The following FAM83C variants were observed in gnomAD, a reference collection of about 807,000 sequenced individuals.
FAM83C encodes protein FAM83C.
Under a neutral mutation model 27.1 loss-of-function variants are expected in FAM83C, and 23 were observed. The ratio of observed to expected loss-of-function variants is 0.85; its 90% CI spans 0.61 to 1.20. The LOEUF (loss-of-function observed/expected upper bound fraction) is 1.20, where lower values mean the gene tolerates loss of function less well. Ranked by LOEUF, FAM83C falls within the 50% of genes most tolerant of loss-of-function variation. The pLI is 0.00. For synonymous variants in FAM83C, 426 were observed against 423.1 expected (o/e 1.01, Z -0.09); for missense variants, 984 against 1,001.3 (o/e 0.98, Z 0.23).
At chr20:35,288,266 TTAAAG>T (rs1357936827) in intron 3 of FAM83C, among the ~76,000 whole-genome samples, 190 bp downstream of exon 3, 3 of 152,174 alleles carry the variant, frequency 2.0e-5, no homozygotes, top group Admixed American at 6.5e-5. Flanking sequence ...ACCAAGGGTA[TTAAAG>T]TAATCATTCC....
At chr20:35,291,502 C>T (rs1254507725) in intron 1 of FAM83C, among the ~76,000 whole-genome samples, 1 of 152,224 alleles carries the variant, frequency 6.6e-6, no homozygotes, top group Non-Finnish European at 1.5e-5. Flanking sequence ...AAAGATGCAG[C>T]GAGGACTCCT....
intron 1 of FAM83C, among the ~76,000 whole-genome samples, chr20:35,289,812 G>T (rs894647878): frequency 2.6e-5 from 4 of 152,102 alleles, no homozygotes; most frequent in African/African-American, 9.7e-5. Context: ...GCATTTGTGT[G>T]CATCCTTCTG....
At chr20:35,288,999 G>T in intron 1 of FAM83C, 41 bp from the exon 2 acceptor site, 1 of 1,591,090 alleles carries the variant, frequency 6.3e-7, no homozygotes, top group Non-Finnish European at 8.6e-7. Context: ...CGCTGCCCAG[G>T]GCACTCCCCA....
At chr20:35,289,657 A>G (rs909314141) in intron 1 of FAM83C, among the ~76,000 whole-genome samples, 1 of 151,016 alleles carries the variant, frequency 6.6e-6, no homozygotes, top group African/African-American at 2.4e-5. Flanking sequence ...TTTTAATTCT[A>G]ATTTTTTGTA....
In FAM83C at chr20:35,288,689, C is replaced by A. The variant is rs188114146; in HGVS notation, c.681+102G>T. 27 of 1,553,742 alleles carry A rather than the reference C, an allele frequency of 1.7e-5. No homozygotes were observed. In the Admixed American group the frequency reaches 3.6e-4, roughly 21 times the overall value. ...CAGACAGCTAAGGGAACCCACCCCC[C>A]ACTCCCAGTGCCCCCCAGTGCTGAC... On this transcript the variant is annotated intron_variant, in intron 2 of 3. Transcript: ENST00000374408.
chr20:35,290,959 G>A (rs963019796), intron 1 of FAM83C, among the ~76,000 whole-genome samples: 2 of 152,160 alleles, frequency 1.3e-5, no homozygotes, highest in Admixed American at 6.5e-5. Flanking sequence ...GGATCATCTC[G>A]TCCATTCCCC....
At position 35,292,313 on chromosome 20, in the gene FAM83C, C is replaced by T. The variant is rs537875584; in HGVS notation, c.-9G>A. ...CCCGGGCCTCCGAACATGCCTGCCA[C>T]GCGGCTGCCTCACCCGCCGGCAGGG... On this transcript the variant is annotated 5_prime_UTR_variant, in exon 1 of 4. The change creates a new upstream start codon in the 5' untranslated region. Transcript: ENST00000374408. 2.5e-5 allele frequency: 37 copies of T among 1,478,138 alleles called. No individual in the cohort carries two copies. Among genetic ancestry groups the T allele is most frequent in the South Asian group, 2.3e-4 (17 of 75,112 alleles). The allele number at this position is 1,478,138 out of a possible 1,614,324, so 91.6% of individuals were successfully genotyped here. A position where few individuals can be genotyped will look rare whatever the true frequency, so the allele number is the denominator to read the frequency against.
In FAM83C at chr20:35,287,514, C is replaced by A. The variant is rs1321400193; in HGVS notation, c.1265G>T (p.Trp422Leu). 3 of 1,614,160 alleles carry A rather than the reference C, an allele frequency of 1.9e-6. No individual in the cohort carries two copies. The highest frequency in any genetic ancestry group is 1.1e-5 in the South Asian group (1 of 91,086). Residue 422 changes from tryptophan to leucine, a missense_variant, in exon 4 of 4, where the codon TGG becomes TTG. Trp to Leu is a moderately conservative substitution (Grantham distance 61). Transcript: ENST00000374408. ...ANLGKLGAYP[W>L]SQSSPALNHN... ...GTTGAGGGCAGGGGAGGACTGGGAC[C>A]ATGGGTATGCCCCTAGCTTGCCGAG...
At position 35,287,168 on chromosome 20, in the gene FAM83C, G is replaced by A. The variant is rs375354507; in HGVS notation, c.1611C>T (p.Gly537=). 6.8e-6 allele frequency: 11 copies of A among 1,606,732 alleles called. No homozygotes were observed. The highest frequency in any genetic ancestry group is 4.5e-5 in the East Asian group (2 of 44,876). ...ACCTCCTGTCCTCTGGGGCCTGCTC[G>A]CCAGGCCGAAGGGGGCCTGAGTTGG... ...VTPNSGPLRP[G]EQAPEDRRLS... The change falls in exon 4 of 4, where the codon GGC becomes GGT. Residue 537 remains glycine (G), a synonymous_variant. Coordinates refer to ENST00000374408, the MANE Select transcript of FAM83C (RefSeq NM_178468.6).
intron 1 of FAM83C, among the ~76,000 whole-genome samples, chr20:35,290,658 C>T (rs2060844391): frequency 6.6e-6 from 1 of 152,152 alleles, no homozygotes; most frequent in African/African-American, 2.4e-5. Context: ...ATAGAGGGGT[C>T]TAAATGGGGG....
rs138765880 is a variant in FAM83C at position 35,288,534 on chromosome 20, G to A, written c.733C>T (p.Arg245Cys). ...CGDTYCSKAG[R>C]RFTGQALEKF... ...TCCAGGGCCTGCCCCGTGAAGCGGC[G>A]GCCAGCCTTGCTGCAGTATGTGTCC... The change falls in exon 3 of 4, where the codon CGC becomes TGC. Residue 245 changes from arginine to cysteine, a missense_variant. Transcript: ENST00000374408. 49 of 1,614,066 alleles carry A rather than the reference G, an allele frequency of 3.0e-5. No individual in the cohort carries two copies. Among genetic ancestry groups the A allele is most frequent in the African/African-American group, 6.7e-5 (5 of 74,932 alleles).
chr20:35,287,060 G>A lies in FAM83C; in HGVS notation c.1719C>T (p.Leu573=), dbSNP rs1293718305. Residue 573 remains leucine, a synonymous_variant, in exon 4 of 4, where the codon CTC becomes CTT. Transcript: ENST00000374408. ...CCTCCAGGGCCCGATCACCAGGTCTGAGGGAACCCAACTCAGGGGCACCCC... is the reference window on the plus strand; with the variant it reads ...CCTCCAGGGCCCGATCACCAGGTCTAAGGGAACCCAACTCAGGGGCACCCC... The part of the protein sequence containing the change: ...GTGGAPELGS[L]RPGDRALEDR... 1.2e-6 allele frequency: 2 copies of A among 1,604,930 alleles called. No individual in the cohort carries two copies. Among genetic ancestry groups the A allele is most frequent in the Non-Finnish European group, 1.7e-6 (2 of 1,179,976 alleles).
chr20:35,292,104 C>T lies in FAM83C; in HGVS notation c.201G>A (p.Glu67=). ...GGGCGCTCAGGAAGGGCAGCTCCCG[C>T]TCCTCGGAGATGACCCGCAGGTAGG... ...EAAYLRVISE[E]RELPFLSALD... is the part of the protein sequence containing the mutation. Residue 67 remains glutamate, a synonymous_variant, in exon 1 of 4, where the codon GAG becomes GAA. Coordinates refer to ENST00000374408, the MANE Select transcript of FAM83C (RefSeq NM_178468.6). The T allele has an allele frequency of 6.2e-7, 1 of 1,605,844 alleles. No individual in the cohort carries two copies. Among genetic ancestry groups the T allele is most frequent in the Non-Finnish European group, 8.5e-7 (1 of 1,179,874 alleles).
At position 35,292,360 on chromosome 20, in the gene FAM83C, T is replaced by G; in HGVS notation, c.-56A>C. 7.0e-7 allele frequency: 1 copy of G among 1,436,544 alleles called. No homozygotes were observed. Among genetic ancestry groups the G allele is most frequent in the Non-Finnish European group, 9.1e-7 (1 of 1,102,078 alleles). 89.0% of individuals were successfully genotyped at this position (1,436,544 alleles called of 1,614,324 possible). ...AGGGCCCATGGCCCGCACGCTGGGCTGGCTGCAGCAGGAAGAGGAGACCAG... is the reference window on the plus strand; with the variant it reads ...AGGGCCCATGGCCCGCACGCTGGGCGGGCTGCAGCAGGAAGAGGAGACCAG... On this transcript the variant is annotated 5_prime_UTR_variant, in exon 1 of 4. Coordinates refer to ENST00000374408, the MANE Select transcript of FAM83C (RefSeq NM_178468.6).
chr20:35,290,678 C>T (rs771348615), intron 1 of FAM83C, among the ~76,000 whole-genome samples: 15 of 152,142 alleles, frequency 9.9e-5, no homozygotes, highest in Non-Finnish European at 1.3e-4. Flanking sequence ...GCTGAGAAGG[C>T]GAGGCACTGG....
At chr20:35,290,415 A>T (rs1210901058) in intron 1 of FAM83C, among the ~76,000 whole-genome samples, 1 of 152,158 alleles carries the variant, frequency 6.6e-6, no homozygotes, top group East Asian at 1.9e-4. Flanking sequence ...GGACTCTATC[A>T]CTTCCTGGTG....
chr20:35,287,296 T>C lies in FAM83C; in HGVS notation c.1483A>G (p.Lys495Glu), dbSNP rs1402398899. The part of the protein sequence containing the change: ...PGTTLETVEE[K>E]EKKASPSQSR... ...TGACTTGGAGATGCCTTCTTCTCCT[T>C]CTCCTCCACTGTCTCCAGGGTTGTG... Residue 495 changes from lysine to glutamate, a missense_variant, in exon 4 of 4, where the codon AAG (lysine) becomes GAG (glutamate). Transcript: ENST00000374408. The C allele has an allele frequency of 1.2e-6, 2 of 1,613,422 alleles. No individual in the cohort carries two copies. The highest frequency in any genetic ancestry group is 2.2e-5 in the East Asian group (1 of 44,874).
In FAM83C at chr20:35,285,872, T is replaced by G. The variant is rs1044179428; in HGVS notation, c.*663A>C. 1 of 156,656 alleles carries G rather than the reference T, an allele frequency of 6.4e-6. No homozygotes were observed. The highest frequency in any genetic ancestry group is 2.4e-5 in the African/African-American group (1 of 41,462). The allele number at this position is 156,656 out of a possible 1,614,324, so 9.7% of individuals were successfully genotyped here. On this transcript the variant is annotated 3_prime_UTR_variant, in exon 4 of 4. Coordinates refer to ENST00000374408, the MANE Select transcript of FAM83C (RefSeq NM_178468.6). ...AAGATGATGACGACGACAATGATGA[T>G]GATGATGATGATGACTCAGCAAGAT...
Position 35,291,954 on chromosome 20 carries a change from G to T in FAM83C, c.351C>A (p.Phe117Leu). 6.2e-7 allele frequency: 1 copy of T among 1,610,770 alleles called. No homozygotes were observed. The highest frequency in any genetic ancestry group is 8.5e-7 in the Non-Finnish European group (1 of 1,177,322). Residue 117 changes from phenylalanine to leucine, a missense_variant, in exon 1 of 4, where the codon TTC (phenylalanine) becomes TTA (leucine). Phe to Leu is a conservative substitution (Grantham distance 22). Coordinates refer to ENST00000374408, the MANE Select transcript of FAM83C (RefSeq NM_178468.6). ...GGGGGTCTATGTCAGAGGCCATGGG[G>T]AAGTAAGTCCCTGAGGTGACTTCAG... ...LLSEVTSGTY[F>L]PMASDIDPPD...
Sources: allele counts gnomAD v4.1 joint callset (sites outside exome capture counted in the v4.1 genomes callset), GRCh38; gene constraint gnomAD v4.1.1; transcripts MANE v1.5; gene names NCBI Gene and HGNC (gene_info 2026-07-23, HGNC 2026-07-21).